Variants in LMNB2 observed in about 807,000 individuals in gnomAD.
LMNB2 encodes lamin-B2.
A neutral mutation model predicts 69.3 loss-of-function variants in LMNB2; 17 were observed. The observed-to-expected ratio is 0.25, with a 90% CI of 0.17 to 0.37. The LOEUF (loss-of-function observed/expected upper bound fraction) is 0.37, where lower values mean the gene tolerates loss of function less well. LMNB2 is among the 10% of genes least tolerant of loss of function. LMNB2 has a pLI of 1.00. For missense variants in LMNB2, 789 were observed against 883.6 expected (o/e 0.89, Z 1.36); for synonymous variants, 397 against 389.3 (o/e 1.02, Z -0.23).
Position 2,447,642 on chromosome 19 carries a change from C to T in LMNB2, c.265-3102G>A, listed in dbSNP as rs1260921146. On this transcript the variant is annotated intron_variant, in intron 1 of 11. Transcript: ENST00000325327. The surrounding 1 kb of genome is among the most constrained non-coding windows in gnomAD (Gnocchi z 4.4). ...GCGGAACCAGGCCCAGCACCACCCG[C>T]TAGAACGCCGTGATGTTCCCACAGC... Among the ~76,000 whole-genome samples the T allele has an allele frequency of 6.6e-6, 1 of 152,148 alleles. No individual in the cohort carries two copies. Among genetic ancestry groups the T allele is most frequent in the East Asian group, 1.9e-4 (1 of 5,200 alleles).
chr19:2,444,601 A>G, intron 1 of LMNB2, 61 bp from the exon 2 acceptor site: 1 of 1,595,532 alleles, frequency 6.3e-7, no homozygotes, highest in Non-Finnish European at 8.5e-7. Context: ...TACAGCAGTC[A>G]GGGGGCCCGG....
chr19:2,434,069 G>A lies in LMNB2; in HGVS notation c.1239C>T (p.Thr413=), dbSNP rs552964496. ...KLSPSPSSRV[T]VSRATSSSSG... Reference sequence around the variant, plus strand: ...TGCTGCTCGAGGTGGCTCGTGAGACGGTGACGCGCGAGGATGGGCTGGGGG... The same window carrying A: ...TGCTGCTCGAGGTGGCTCGTGAGACAGTGACGCGCGAGGATGGGCTGGGGG... Residue 413 remains threonine, a synonymous_variant, in exon 8 of 12, where the codon ACC becomes ACT. Transcript: ENST00000325327. 14 of 1,596,028 alleles carry A rather than the reference G, an allele frequency of 8.8e-6. No individual in the cohort carries two copies. The highest frequency in any genetic ancestry group is 5.3e-5 in the African/African-American group (4 of 74,788).
In LMNB2 at chr19:2,430,472, G is replaced by A; in HGVS notation, c.*439C>T. The A allele has an allele frequency of 3.4e-6, 1 of 291,020 alleles. No individual in the cohort carries two copies. The allele number at this position is 291,020 out of a possible 1,614,324, so 18.0% of individuals were successfully genotyped here. A position where few individuals can be genotyped will look rare whatever the true frequency, so the allele number is the denominator to read the frequency against. On this transcript the variant is annotated 3_prime_UTR_variant, in exon 12 of 12. Coordinates refer to ENST00000325327, the MANE Select transcript of LMNB2 (RefSeq NM_032737.4). ...CAGGCTTGGCCCCGGGCCCCACCAG[G>A]TCGACGCCTGGATTCTGAATTTGGT...
chr19:2,450,961 C>T (rs574025687), intron 1 of LMNB2, among the ~76,000 whole-genome samples: 1 of 151,420 alleles, frequency 6.6e-6, no homozygotes, highest in Non-Finnish European at 1.5e-5. Context: ...CTAGGGGTAG[C>T]CAGGAGAGGT....
At position 2,450,509 on chromosome 19, in the gene LMNB2, G is replaced by C. The variant is rs537684225; in HGVS notation, c.265-5969C>G. ...TCCAAAGTGCTGGGATTACAGGCAT[G>C]AGCCACCGCACCTGGCATAAGATGA... is the stretch of plus-strand genomic sequence containing the variant. On this transcript the variant is annotated intron_variant, in intron 1 of 11. Transcript: ENST00000325327. Among the ~76,000 whole-genome samples the C allele has an allele frequency of 3.3e-5, 5 of 152,084 alleles. No homozygotes were observed. The East Asian group carries it at 9.7e-4, about 30-fold the overall frequency.
At chr19:2,454,280 G>A (rs1170746996) in intron 1 of LMNB2, among the ~76,000 whole-genome samples, 2 of 135,320 alleles carry the variant, frequency 1.5e-5, no homozygotes, top group Non-Finnish European at 3.1e-5. Context: ...ACGACGGAGC[G>A]AGACTCTATC....
chr19:2,441,245 T>C (rs1011936245), intron 2 of LMNB2, among the ~76,000 whole-genome samples: 1 of 152,238 alleles, frequency 6.6e-6, no homozygotes, highest in Non-Finnish European at 1.5e-5. Context: ...GAATCCCGGG[T>C]CTGGCTCCGG....
chr19:2,441,703 C>G lies in LMNB2; in HGVS notation c.401+2701G>C, dbSNP rs572364735. Among the ~76,000 whole-genome samples, 4 of 152,356 alleles carry G rather than the reference C, an allele frequency of 2.6e-5. No homozygotes were observed. In the East Asian group the frequency reaches 7.7e-4, roughly 29 times the overall value. On this transcript the variant is annotated intron_variant, in intron 2 of 11. Coordinates refer to ENST00000325327, the MANE Select transcript of LMNB2 (RefSeq NM_032737.4). ...CTTGCGGAGGGAGGCATCAGCGACA[C>G]AGGCTGCCTACCAGACAGGAGGTTG...
At chr19:2,450,290 G>GACCAGCATGGT (rs1972007207) in intron 1 of LMNB2, among the ~76,000 whole-genome samples, 1 of 152,110 alleles carries the variant, frequency 6.6e-6, no homozygotes, top group South Asian at 2.1e-4. Flanking sequence ...CTATCAGCCT[G>GACCAGCATGGT]GAGGAGCCTG....
chr19:2,434,348 G>T lies in LMNB2; in HGVS notation c.1149C>A (p.Ala383=). The T allele has an allele frequency of 1.2e-6, 2 of 1,613,226 alleles. No homozygotes were observed. Among genetic ancestry groups the T allele is most frequent in the Non-Finnish European group, 1.7e-6 (2 of 1,179,994 alleles). Reference sequence around the variant, plus strand: ...GGTAGGCGTTGATCTCCATGTCCAGGGCCAGCTTCACGTCCAGCAGCTCCT... The same window carrying T: ...GGTAGGCGTTGATCTCCATGTCCAGTGCCAGCTTCACGTCCAGCAGCTCCT... ...EYQELLDVKL[A]LDMEINAYRK... is the part of the protein sequence containing the mutation. The change falls in exon 7 of 12, where the codon GCC becomes GCA. Residue 383 remains alanine (A), a synonymous_variant. Coordinates refer to ENST00000325327, the MANE Select transcript of LMNB2 (RefSeq NM_032737.4).
rs746844740 is a variant in LMNB2 at position 2,444,551 on chromosome 19, C to T, written c.265-11G>A. On this transcript the variant is annotated splice_polypyrimidine_tract_variant and intron_variant, in intron 1 of 11. Transcript: ENST00000325327. ...CTTGATGCCACTCACCTGGGGAGAC[C>T]CAGGACAGGGTGAAGCGAGAGGGAC... 8.1e-6 allele frequency: 13 copies of T among 1,607,920 alleles called. No individual in the cohort carries two copies. The highest frequency in any genetic ancestry group is 1.0e-5 in the Non-Finnish European group (12 of 1,179,988).
chr19:2,432,333 C>CCCCCAATCCT, intron 9 of LMNB2, 83 bp downstream of exon 9: 1 of 906,304 alleles, frequency 1.1e-6, no homozygotes, highest in Non-Finnish European at 1.8e-6. Context: ...CACCCACCCC[C>CCCCCAATCCT]GCCAAGTCCT....
At chr19:2,438,934 C>T (rs1206312627) in intron 2 of LMNB2, among the ~76,000 whole-genome samples, 3 of 151,228 alleles carry the variant, frequency 2.0e-5, no homozygotes, top group African/African-American at 7.3e-5. Flanking sequence ...ACCTGGTTTT[C>T]CACTAAACCA....
rs1362758350 is a variant in LMNB2, at chr19:2,434,119, A to G, written c.1203-14T>C. On this transcript the variant is annotated splice_polypyrimidine_tract_variant and intron_variant, in intron 7 of 11. Coordinates refer to ENST00000325327, the MANE Select transcript of LMNB2 (RefSeq NM_032737.4). ...GACAGCTTCAGCCTGTGGGGAAGGC[A>G]AGGAAGGTGGGACTGGTAGTGGGAG... 1.3e-6 allele frequency: 2 copies of G among 1,576,772 alleles called. No individual in the cohort carries two copies. Among genetic ancestry groups the G allele is most frequent in the South Asian group, 2.3e-5 (2 of 87,884 alleles).
At chr19:2,435,583 A>G (rs1971812937) in intron 4 of LMNB2, among the ~76,000 whole-genome samples, 1 of 152,076 alleles carries the variant, frequency 6.6e-6, no homozygotes, top group African/African-American at 2.4e-5. Context: ...TTTTTGGGTG[A>G]TGGAATGTTC....
intron 4 of LMNB2, among the ~76,000 whole-genome samples, chr19:2,437,487 AGACCTTCCT>A (rs1162254179): frequency 6.6e-6 from 1 of 152,216 alleles, no homozygotes; most frequent in Non-Finnish European, 1.5e-5. Flanking sequence ...AAATCAAAAT[AGACCTTCCT>A]TGACACTGAA....
rs1369158120 is a variant in LMNB2, at chr19:2,434,389, G to C, written c.1108C>G (p.Gln370Glu). Residue 370 changes from glutamine to glutamate, a missense_variant, in exon 7 of 12, where the codon CAG (glutamine) becomes GAG (glutamate). Physicochemically the swap from Gln to Glu is conservative, Grantham distance 29. Transcript: ENST00000325327. Reference protein sequence around the residue: ...MTEMRDVMQQQLAEYQELLDV... With the variant: ...MTEMRDVMQQELAEYQELLDV... ...AGCAGCTCCTGGTACTCGGCCAGCTGCTGCTGCATCACGTCCCGCATCTCC... is the reference window on the plus strand; with the variant it reads ...AGCAGCTCCTGGTACTCGGCCAGCTCCTGCTGCATCACGTCCCGCATCTCC... The C allele has an allele frequency of 1.2e-6, 2 of 1,613,408 alleles. No individual in the cohort carries two copies. The highest frequency in any genetic ancestry group is 1.7e-5 in the Admixed American group (1 of 60,030).
chr19:2,432,626 C>A, intron 8 of LMNB2, 103 bp from the exon 9 acceptor site: 1 of 894,904 alleles, frequency 1.1e-6, no homozygotes, highest in Non-Finnish European at 1.9e-6. Flanking sequence ...GTCACCCCCA[C>A]CAGCTAGGTC....
chr19:2,441,297 G>A (rs1024492918), intron 2 of LMNB2, among the ~76,000 whole-genome samples: 1 of 152,248 alleles, frequency 6.6e-6, no homozygotes, highest in East Asian at 1.9e-4. Flanking sequence ...CTCTGGCGCT[G>A]GACCTGGTGT....
Sources: allele counts gnomAD v4.1 joint callset (sites outside exome capture counted in the v4.1 genomes callset), GRCh38; gene constraint gnomAD v4.1.1; non-coding constraint Gnocchi (gnomAD v3.1); transcripts MANE v1.5; gene names NCBI Gene and HGNC (gene_info 2026-07-23, HGNC 2026-07-21).